LRRN2: variants seen among roughly 807,000 people sequenced by gnomAD.
The protein encoded by LRRN2 is leucine rich repeat neuronal 2.
LRRN2 carries 10 observed loss-of-function variants against 35.7 expected under a neutral mutation model. The ratio of observed to expected loss-of-function variants is 0.28; its 90% confidence interval spans 0.17 to 0.47. LRRN2 has a LOEUF of 0.47. LRRN2 is among the 20% of genes least tolerant of loss of function. The probability of loss-of-function intolerance (pLI) is 0.99; values close to 1 mark genes in which losing one functional copy is unlikely to be tolerated. For synonymous variants in LRRN2, 391 were observed against 409.6 expected, an observed-to-expected ratio of 0.95 and a Z score of 0.55; for missense variants, 731 against 940.3, an observed-to-expected ratio of 0.78 and a Z score of 2.91.
Position 204,618,152 on chromosome 1 carries a change from C to T in LRRN2, c.1841G>A (p.Arg614Lys). The change falls in exon 2 of 2, where the codon AGG becomes AAG. Residue 614 changes from arginine (R) to lysine (K), a missense_variant. Transcript: ENST00000367177. ...AHTQLACVWARTKEATSCHRA... is the reference protein window; with the variant it reads ...AHTQLACVWAKTKEATSCHRA... ...GTGGCAAGAAGTGGCCTCTTTGGTC[C>T]TGGCCCATACACAAGCCAACTGGGT... 1 of 1,614,128 alleles carries T rather than the reference C, an allele frequency of 6.2e-7. No homozygotes were observed. The highest frequency in any genetic ancestry group is 8.5e-7 in the Non-Finnish European group (1 of 1,179,976).
rs181870829 is a variant in LRRN2 at position 204,632,065 on chromosome 1, C to A, written c.-226-11847G>T. On this transcript the variant is annotated intron_variant, in intron 1 of 1. Coordinates refer to ENST00000367177, the MANE Select transcript of LRRN2 (RefSeq NM_201630.2). ...GTGAAACCCTGTCTCTACCAAAAAA[C>A]AAACAAACAAACAAAACACCTATGT... Among the ~76,000 whole-genome samples the A allele has an allele frequency of 2.8e-3, 423 of 151,990 alleles. 1 individual carries two copies. Among genetic ancestry groups the A allele is most frequent in the South Asian group, 8.1e-3 (39 of 4,804 alleles).
At chr1:204,647,757 T>C (rs1668142110) in intron 1 of LRRN2, among the ~76,000 whole-genome samples, 1 of 152,108 alleles carries the variant, frequency 6.6e-6, no homozygotes, top group Non-Finnish European at 1.5e-5. Context: ...ACCAGAGCTG[T>C]CCAAGGTGGC....
intron 1 of LRRN2, among the ~76,000 whole-genome samples, chr1:204,656,529 G>A (rs1004852069): frequency 6.6e-6 from 1 of 152,006 alleles, no homozygotes; most frequent in Non-Finnish European, 1.5e-5. Context: ...TCTTTTTTGA[G>A]TTGCTTTTGA....
chr1:204,626,708 C>G (rs936674705), intron 1 of LRRN2: 1 of 152,192 alleles, frequency 6.6e-6, no homozygotes, highest in Non-Finnish European at 1.5e-5. Context: ...TCCCTAGAGC[C>G]TAGTACCGTG....
At position 204,619,885 on chromosome 1, in the gene LRRN2, C is replaced by G; in HGVS notation, c.108G>C (p.Gln36His). The G allele has an allele frequency of 6.2e-7, 1 of 1,613,854 alleles. No individual in the cohort carries two copies. Among genetic ancestry groups the G allele is most frequent in the Non-Finnish European group, 8.5e-7 (1 of 1,179,942 alleles). The change falls in exon 2 of 2, where the codon CAG becomes CAC. Residue 36 changes from glutamine (Q) to histidine (H), a missense_variant. By Grantham distance (24) the Gln-to-His change is conservative. Coordinates refer to ENST00000367177, the MANE Select transcript of LRRN2 (RefSeq NM_201630.2). ...HVPCPPQCACQIRPWYTPRSS... is the reference protein window; with the variant it reads ...HVPCPPQCACHIRPWYTPRSS... ...AGCGGGGCGTATACCAGGGCCGGAT[C>G]TGGCAGGCACACTGAGGGGGGCAGG...
chr1:204,679,064 G>A (rs1192895118), intron 1 of LRRN2, among the ~76,000 whole-genome samples: 2 of 152,164 alleles, frequency 1.3e-5, no homozygotes, highest in Non-Finnish European at 2.9e-5. Context: ...CGCTCGAGAT[G>A]GGCAGTGGAC....
intron 1 of LRRN2, chr1:204,626,686 C>A (rs146218061): frequency 6.6e-6 from 1 of 152,112 alleles, no homozygotes; most frequent in Non-Finnish European, 1.5e-5. Context: ...TGGTTTGTTA[C>A]GGATTTTTGT....
chr1:204,618,658 G>A lies in LRRN2; in HGVS notation c.1335C>T (p.Cys445=). 1 of 1,607,214 alleles carries A rather than the reference G, an allele frequency of 6.2e-7. No individual in the cohort carries two copies. Among genetic ancestry groups the A allele is most frequent in the South Asian group, 1.1e-5 (1 of 89,558 alleles). The change falls in exon 2 of 2, where the codon TGC becomes TGT. Residue 445 remains cysteine, a synonymous_variant. Transcript: ENST00000367177. ...VASGESMVLH[C]RALAEPEPEI... is the part of the protein sequence containing the mutation. ...CGGGTTCGGGTTCGGCCAGTGCCCG[G>A]CAATGCAGCACCATGCTCTCTCCAC...
intron 1 of LRRN2, among the ~76,000 whole-genome samples, chr1:204,654,747 T>C (rs775021642): frequency 3.9e-5 from 6 of 152,234 alleles, no homozygotes; most frequent in Admixed American, 1.3e-4. Flanking sequence ...CAGTGCGTGC[T>C]GGAACCAGCT....
chr1:204,624,761 C>T (rs534487162), intron 1 of LRRN2, among the ~76,000 whole-genome samples: 5 of 147,072 alleles, frequency 3.4e-5, no homozygotes, highest in South Asian at 4.5e-4. Context: ...CCCCACCCCC[C>T]CCCCCGGGAG....
At chr1:204,639,215 T>C (rs1667923425) in intron 1 of LRRN2, among the ~76,000 whole-genome samples, 1 of 152,202 alleles carries the variant, frequency 6.6e-6, no homozygotes, top group African/African-American at 2.4e-5. Context: ...GACACGTCTT[T>C]TACTCTACAA....
At chr1:204,625,719 G>T (rs79680436) in intron 1 of LRRN2, among the ~76,000 whole-genome samples, 4,820 of 152,234 alleles carry the variant, frequency 0.032, 138 homozygotes, top group South Asian at 0.06. Context: ...GACAAGTTGG[G>T]ACCAGGGTCT....
chr1:204,651,413 T>C (rs1020279632), intron 1 of LRRN2, among the ~76,000 whole-genome samples: 2 of 152,192 alleles, frequency 1.3e-5, no homozygotes, highest in Non-Finnish European at 1.5e-5. Flanking sequence ...GCTATGTTTG[T>C]GGTGATTTGT....
chr1:204,636,407 G>A (rs1330064965), intron 1 of LRRN2, among the ~76,000 whole-genome samples: 1 of 152,160 alleles, frequency 6.6e-6, no homozygotes, highest in African/African-American at 2.4e-5. Context: ...TTCAACTCTG[G>A]CTGCACCATA....
intron 1 of LRRN2, among the ~76,000 whole-genome samples, chr1:204,656,005 G>A (rs894832632): frequency 1.6e-4 from 25 of 152,176 alleles, no homozygotes; most frequent in African/African-American, 5.6e-4. Context: ...CACCTCCCAG[G>A]TTCACGCCAT....
At position 204,618,860 on chromosome 1, in the gene LRRN2, C is replaced by T. The variant is rs746694908; in HGVS notation, c.1133G>A (p.Arg378His). 68 of 1,614,022 alleles carry T rather than the reference C, an allele frequency of 4.2e-5. No individual in the cohort carries two copies. The highest frequency in any genetic ancestry group is 1.3e-4 in the Admixed American group (8 of 60,004). Reference sequence around the variant, plus strand: ...ACGGGTGCCCGTGGCATTGGCCCAGCGGATGACACAGTCACAGCGGATGGG... The same window carrying T: ...ACGGGTGCCCGTGGCATTGGCCCAGTGGATGACACAGTCACAGCGGATGGG... ...GNPIRCDCVIRWANATGTRVR... is the reference protein window; with the variant it reads ...GNPIRCDCVIHWANATGTRVR... Residue 378 changes from arginine (R) to histidine (H), a missense_variant, in exon 2 of 2, where the codon CGC (arginine) becomes CAC (histidine). Around this residue, in one of 3 missense-constraint regions of LRRN2, gnomAD observed 256 missense variants for 392.4 expected, o/e 0.65. Transcript: ENST00000367177.
intron 1 of LRRN2, among the ~76,000 whole-genome samples, chr1:204,630,773 C>T (rs767137502): frequency 3.3e-5 from 5 of 152,140 alleles, no homozygotes; most frequent in Non-Finnish European, 7.3e-5. Context: ...CTCCCCCTTG[C>T]CAGGGCAGGC....
At position 204,620,140 on chromosome 1, in the gene LRRN2, C is replaced by T; in HGVS notation, c.-148G>A. On this transcript the variant is annotated 5_prime_UTR_variant, in exon 2 of 2. Transcript: ENST00000367177. ...TTCTACACCGGGCGTCACTTCTTGC[C>T]CTCCTCAATATGCCTTCTCTTCCTT... 1 of 1,459,742 alleles carries T rather than the reference C, an allele frequency of 6.9e-7. No individual in the cohort carries two copies. Among genetic ancestry groups the T allele is most frequent in the Non-Finnish European group, 9.1e-7 (1 of 1,104,732 alleles). 90.4% of individuals were successfully genotyped at this position (1,459,742 alleles called of 1,614,324 possible).
intron 1 of LRRN2, among the ~76,000 whole-genome samples, chr1:204,676,598 GC>G (rs1359209564): frequency 5.2e-4 from 79 of 152,192 alleles, no homozygotes; most frequent in Non-Finnish European, 1.5e-5. Flanking sequence ...ATTAATCACA[GC>G]CCCGGTGTTT....
Sources: gnomAD v4.1 joint callset for allele counts (sites outside exome capture counted in the v4.1 genomes callset) on GRCh38, gnomAD v4.1.1 for gene constraint, gnomAD v4.1.1 regional missense constraint, MANE v1.5 for transcripts, NCBI Gene and HGNC (gene_info 2026-07-23, HGNC 2026-07-21) for gene names.